LRFN5: variants seen among roughly 807,000 people sequenced by gnomAD.
LRFN5 encodes the protein leucine-rich repeat and fibronectin type-III domain-containing protein 5.
Under a neutral mutation model 45.6 loss-of-function variants are expected in LRFN5, and 24 were observed. The ratio of observed to expected loss-of-function variants is 0.53; its 90% CI spans 0.38 to 0.74. The LOEUF is 0.74. Ranked by LOEUF, LRFN5 falls within the 30% of genes least tolerant of loss-of-function variation. The pLI, the probability that LRFN5 is intolerant of heterozygous loss-of-function variation, is 0.00. For synonymous variants in LRFN5, 340 were observed against 313.8 expected (o/e 1.08, Z -0.88); for missense variants, 776 against 861.5 (o/e 0.90, Z 1.24).
chr14:41,729,529 A>G lies in LRFN5; in HGVS notation c.-196-37325A>G, dbSNP rs541786750. 1.6e-3 allele frequency among the ~76,000 whole-genome samples: 251 copies of G among 152,276 alleles called. 2 individuals are homozygous for G. The highest frequency in any genetic ancestry group is 5.8e-3 in the South Asian group (28 of 4,830). On this transcript the variant is annotated intron_variant, in intron 1 of 5. Coordinates refer to ENST00000298119, the MANE Select transcript of LRFN5 (RefSeq NM_152447.5). ...TCCTTTATAGTAACACAAACAGAGT[A>G]ATACAACATTATAGTATTACCTATC...
intron 1 of LRFN5, among the ~76,000 whole-genome samples, chr14:41,716,274 C>T (rs887785480): frequency 3.9e-5 from 6 of 152,140 alleles, no homozygotes; most frequent in Non-Finnish European, 7.4e-5. Context: ...ACATTGGGCT[C>T]CTTGTTACTT....
intron 2 of LRFN5, among the ~76,000 whole-genome samples, chr14:41,802,302 G>C (rs1197740940): frequency 6.6e-6 from 1 of 152,118 alleles, no homozygotes; most frequent in African/African-American, 2.4e-5. Context: ...GATGGGAATT[G>C]GGAGATGGAA....
intron 2 of LRFN5, among the ~76,000 whole-genome samples, chr14:41,789,631 C>G (rs1886847283): frequency 6.6e-6 from 1 of 151,932 alleles, no homozygotes; most frequent in African/African-American, 2.4e-5. Context: ...ACCCAAGGGA[C>G]TCTCAAAAAG....
intron 2 of LRFN5, among the ~76,000 whole-genome samples, chr14:41,875,295 CG>C (rs1478118084): frequency 6.6e-6 from 1 of 152,260 alleles, no homozygotes; most frequent in East Asian, 1.9e-4. Flanking sequence ...TTGCCACCTG[CG>C]CCAGCTGACT....
intron 1 of LRFN5, among the ~76,000 whole-genome samples, chr14:41,765,064 G>A (rs1885822902): frequency 1.3e-5 from 2 of 152,138 alleles, no homozygotes; most frequent in Non-Finnish European, 2.9e-5. Context: ...AGCACAGGCC[G>A]GGCGTGGTGG....
intron 2 of LRFN5, among the ~76,000 whole-genome samples, chr14:41,886,118 A>G (rs1246322231): frequency 6.6e-6 from 1 of 151,920 alleles, no homozygotes; most frequent in Non-Finnish European, 1.5e-5. Flanking sequence ...TTCAAAGGTC[A>G]TGCTGCAAGC....
intron 1 of LRFN5, among the ~76,000 whole-genome samples, chr14:41,683,669 A>G (rs1321816934): frequency 6.6e-6 from 1 of 152,202 alleles, no homozygotes; most frequent in Non-Finnish European, 1.5e-5. Context: ...AATCTGAAAA[A>G]AAAATCACCA....
intron 1 of LRFN5, among the ~76,000 whole-genome samples, chr14:41,662,766 A>C (rs1243186496): frequency 6.6e-6 from 1 of 152,058 alleles, no homozygotes; most frequent in Non-Finnish European, 1.5e-5. Context: ...GAGTGCTGAC[A>C]ACTGCTTCAC....
intron 1 of LRFN5, among the ~76,000 whole-genome samples, chr14:41,703,886 T>G (rs1882939357): frequency 1.3e-5 from 2 of 152,126 alleles, no homozygotes; most frequent in Non-Finnish European, 2.9e-5. Flanking sequence ...CTTCTTTTAA[T>G]GGGACTTAAT....
intron 2 of LRFN5, among the ~76,000 whole-genome samples, chr14:41,818,352 G>A (rs1204429654): frequency 6.6e-6 from 1 of 151,732 alleles, no homozygotes; most frequent in Non-Finnish European, 1.5e-5. Context: ...TTTAAACAGG[G>A]AACAAAATTC....
rs202117596 is a variant in LRFN5, at chr14:41,834,834, C to T, written c.-20-51772C>T. On this transcript the variant is annotated intron_variant, in intron 2 of 5. Transcript: ENST00000298119. ...TGCACCACCATACCTGGCTAATTTT[C>T]GTATTTTTTGTGGAGATGAGGTTTC... 8.6e-5 allele frequency among the ~76,000 whole-genome samples: 13 copies of T among 151,594 alleles called. No homozygotes were observed. The East Asian group carries it at 1.4e-3, about 16-fold the overall frequency.
At chr14:41,779,005 C>T (rs1024661678) in intron 2 of LRFN5, among the ~76,000 whole-genome samples, 1 of 151,638 alleles carries the variant, frequency 6.6e-6, no homozygotes, top group Non-Finnish European at 1.5e-5. Flanking sequence ...CCTTTCATTT[C>T]TTATTATACT....
chr14:41,626,382 G>A (rs1197674302), intron 1 of LRFN5, among the ~76,000 whole-genome samples: 1 of 151,962 alleles, frequency 6.6e-6, no homozygotes, highest in Non-Finnish European at 1.5e-5. Context: ...AATGTAATTT[G>A]TACTATATAC....
intron 2 of LRFN5, among the ~76,000 whole-genome samples, chr14:41,852,265 TC>T (rs1468926335): frequency 6.6e-6 from 1 of 151,896 alleles, no homozygotes; most frequent in African/African-American, 2.4e-5. Flanking sequence ...ATTAAATGAA[TC>T]TATACTTCTT....
intron 2 of LRFN5, among the ~76,000 whole-genome samples, chr14:41,829,562 T>G (rs1462484964): frequency 6.6e-6 from 1 of 151,946 alleles, no homozygotes; most frequent in Non-Finnish European, 1.5e-5. Flanking sequence ...ATGGTTGTGT[T>G]CCTCTTGATT....
intron 2 of LRFN5, among the ~76,000 whole-genome samples, chr14:41,871,431 A>T (rs1037106322): frequency 6.6e-6 from 1 of 151,998 alleles, no homozygotes; most frequent in Non-Finnish European, 1.5e-5. Flanking sequence ...CTACTAAAAA[A>T]TTCAAAAATT....
chr14:41,795,805 T>A (rs1482827649), intron 2 of LRFN5, among the ~76,000 whole-genome samples: 2 of 151,846 alleles, frequency 1.3e-5, no homozygotes. Flanking sequence ...AGGAATAGCA[T>A]TAGAAGAAAT....
In LRFN5 at chr14:41,724,865, A is replaced by C. The variant is rs59808107; in HGVS notation, c.-196-41989A>C. Among the ~76,000 whole-genome samples the C allele has an allele frequency of 8.8e-3, 1,339 of 152,204 alleles. 21 individuals carry two copies. Among genetic ancestry groups the C allele is most frequent in the African/African-American group, 0.031 (1,279 of 41,540 alleles). On this transcript the variant is annotated intron_variant, in intron 1 of 5. Transcript: ENST00000298119. Reference sequence around the variant, plus strand: ...TCTCATTTATTTTTCCTACTGTTTGAACTTTCTATTTCAAACTTTGGTAAT... The same window carrying C: ...TCTCATTTATTTTTCCTACTGTTTGCACTTTCTATTTCAAACTTTGGTAAT...
At chr14:41,688,780 C>T (rs890480648) in intron 1 of LRFN5, among the ~76,000 whole-genome samples, 4 of 151,920 alleles carry the variant, frequency 2.6e-5, no homozygotes, top group Non-Finnish European at 5.9e-5. Flanking sequence ...GAAATGCCTA[C>T]ATTTAAAGAA....
Sources: gnomAD v4.1 joint callset for allele counts (sites outside exome capture counted in the v4.1 genomes callset) on GRCh38, gnomAD v4.1.1 for gene constraint, MANE v1.5 for transcripts, NCBI Gene and HGNC (gene_info 2026-07-23, HGNC 2026-07-21) for gene names.